The following PLEKHB1 variants were observed in gnomAD, a reference collection of about 807,000 sequenced individuals.
PLEKHB1 encodes the protein pleckstrin homology domain-containing family B member 1.
Under a neutral mutation model 36.2 loss-of-function variants are expected in PLEKHB1, and 29 were observed. The ratio of observed to expected loss-of-function variants is 0.80; its 90% CI spans 0.60 to 1.09. PLEKHB1 has a LOEUF of 1.09. PLEKHB1 is among the 50% of genes least tolerant of loss of function. The probability of loss-of-function intolerance (pLI) is 0.00; values close to 1 mark genes in which losing one functional copy is unlikely to be tolerated. For missense variants in PLEKHB1, 330 were observed against 348.2 expected (o/e 0.95, Z 0.42); for synonymous variants, 138 against 140.0 (o/e 0.99, Z 0.10).
rs1565334934 is a variant in PLEKHB1 at position 73,661,114 on chromosome 11, C to A, written c.595+262C>A. On this transcript the variant is annotated intron_variant, in intron 7 of 7. Transcript: ENST00000354190. The surrounding 1 kb of genome is among the most constrained non-coding windows in gnomAD (Gnocchi z 4.6). Reference sequence around the variant, plus strand: ...TACCCATTCCTGAGCCGGTAGCGGCCCCTGGTGGCTACTGCGGGAATGCTG... The same window carrying A: ...TACCCATTCCTGAGCCGGTAGCGGCACCTGGTGGCTACTGCGGGAATGCTG... 6.6e-6 allele frequency among the ~76,000 whole-genome samples: 1 copy of A among 152,358 alleles called. No individual in the cohort carries two copies. Among genetic ancestry groups the A allele is most frequent in the East Asian group, 1.9e-4 (1 of 5,178 alleles).
At chr11:73,651,353 CAAAAAAAAAAAAA>C (rs35147175) in intron 3 of PLEKHB1, 1 of 268,876 alleles carries the variant, frequency 3.7e-6, no homozygotes, top group African/African-American at 2.8e-5. Flanking sequence ...GACCCTGTCT[CAAAAAAAAAAAAA>C]AAAAGAAAAA....
chr11:73,655,997 A>G, intron 6 of PLEKHB1, 90 bp downstream of exon 6: 1 of 1,080,198 alleles, frequency 9.3e-7, no homozygotes. Context: ...CCCTGTGACA[A>G]ACATTCCATG....
At chr11:73,658,014 T>C (rs182030941) in intron 6 of PLEKHB1, among the ~76,000 whole-genome samples, 10 of 152,328 alleles carry the variant, frequency 6.6e-5, no homozygotes, top group African/African-American at 2.2e-4. Flanking sequence ...ATTTATTAGG[T>C]ACCTGCCATG....
In PLEKHB1 at chr11:73,649,650, A is replaced by T. The variant is rs1475218187; in HGVS notation, c.94+563A>T. ...TTTGCCCTTCCCTGTTAAGATTTCC[A>T]GTTGCAAAATGTCAGAAGCTCGGTC... On this transcript the variant is annotated intron_variant, in intron 2 of 7. Coordinates refer to ENST00000354190, the MANE Select transcript of PLEKHB1 (RefSeq NM_021200.3). Among the ~76,000 whole-genome samples, 3 of 152,162 alleles carry T rather than the reference A, an allele frequency of 2.0e-5. No individual in the cohort carries two copies. In the East Asian group the frequency reaches 5.8e-4, roughly 29 times the overall value.
At chr11:73,648,873 G>A (rs918070748) in intron 1 of PLEKHB1, 139 bp from the exon 2 acceptor site, 1 of 1,419,408 alleles carries the variant, frequency 7.0e-7, no homozygotes, top group African/African-American at 1.5e-5. Flanking sequence ...GAATGGGGAG[G>A]AGGCCGAGGC....
At chr11:73,654,126 G>A (rs569275960) in intron 5 of PLEKHB1, among the ~76,000 whole-genome samples, 1 of 152,252 alleles carries the variant, frequency 6.6e-6, no homozygotes, top group Non-Finnish European at 1.5e-5. Context: ...GACAGTGTCC[G>A]GGCAACAGAC....
intron 6 of PLEKHB1, 120 bp from the exon 7 acceptor site, chr11:73,660,633 A>C: frequency 4.3e-6 from 4 of 924,706 alleles, no homozygotes. Context: ...CTGGAGGCCC[A>C]TTTCTAAACT....
chr11:73,661,622 T>C lies in PLEKHB1; in HGVS notation c.*20T>C, dbSNP rs114497287. ...TTCTGAGCCCTGGGACTCGGAGCAC[T>C]GACCCCTGCGCTTGGATTGCTAGAC... On this transcript the variant is annotated 3_prime_UTR_variant, in exon 8 of 8. Transcript: ENST00000354190. The surrounding 1 kb of genome is among the most constrained non-coding windows in gnomAD (Gnocchi z 4.6). 1.2e-3 allele frequency: 1,839 copies of C among 1,556,054 alleles called. 18 individuals are homozygous for C. In the African/African-American group the frequency reaches 0.022, roughly 19 times the overall value.
rs1026822552 is a variant in PLEKHB1 at position 73,660,930 on chromosome 11, T to A, written c.595+78T>A. ...CCAGGCCCAGCCCACGGTCCGTAAGTCCGGACCAGGCTTCATCCTTTTAGC... is the reference window on the plus strand; with the variant it reads ...CCAGGCCCAGCCCACGGTCCGTAAGACCGGACCAGGCTTCATCCTTTTAGC... On this transcript the variant is annotated intron_variant, in intron 7 of 7. Coordinates refer to ENST00000354190, the MANE Select transcript of PLEKHB1 (RefSeq NM_021200.3). 1.8e-5 allele frequency: 24 copies of A among 1,317,260 alleles called. No individual in the cohort carries two copies. In the South Asian group the frequency reaches 2.8e-4, roughly 15 times the overall value. 81.6% of individuals were successfully genotyped at this position (1,317,260 alleles called of 1,614,324 possible).
chr11:73,650,758 G>A lies in PLEKHB1; in HGVS notation c.247+53G>A, dbSNP rs75062765. Reference sequence around the variant, plus strand: ...ACCGTGACTGTGGGCAGAGCCTCCCGCTGTCTCCGAGAACACTTGCTGTTG... The same window carrying A: ...ACCGTGACTGTGGGCAGAGCCTCCCACTGTCTCCGAGAACACTTGCTGTTG... On this transcript the variant is annotated intron_variant, in intron 3 of 7. Coordinates refer to ENST00000354190, the MANE Select transcript of PLEKHB1 (RefSeq NM_021200.3). The A allele has an allele frequency of 7.5e-3, 11,345 of 1,506,482 alleles. 674 individuals carry two copies. In the African/African-American group the frequency reaches 0.14, roughly 18 times the overall value. 93.3% of individuals were successfully genotyped at this position (1,506,482 alleles called of 1,614,324 possible). A position where few individuals can be genotyped will look rare whatever the true frequency, so the allele number is the denominator to read the frequency against.
intron 6 of PLEKHB1, among the ~76,000 whole-genome samples, chr11:73,659,140 C>A (rs932234441): frequency 6.6e-6 from 1 of 151,540 alleles, no homozygotes; most frequent in Non-Finnish European, 1.5e-5. Context: ...GCAGGAGAAT[C>A]GCTTGAACCC....
At chr11:73,650,020 G>A (rs1396255373) in intron 2 of PLEKHB1, among the ~76,000 whole-genome samples, 1 of 152,008 alleles carries the variant, frequency 6.6e-6, no homozygotes, top group Non-Finnish European at 1.5e-5. Context: ...TAGACAACAT[G>A]GTGAGACCCA....
intron 3 of PLEKHB1, 193 bp from the exon 4 acceptor site, chr11:73,651,595 G>T: frequency 1.5e-6 from 1 of 665,376 alleles, no homozygotes; most frequent in East Asian, 2.8e-5. Flanking sequence ...GCTGAGGGAA[G>T]CCTCAGCATG....
chr11:73,653,628 G>A (rs7952228), intron 5 of PLEKHB1, among the ~76,000 whole-genome samples: 108,603 of 152,080 alleles, frequency 0.71, 39,040 homozygotes, highest in Middle Eastern at 0.78. Flanking sequence ...GGCTTAAACC[G>A]AGGACTGAAG....
intron 1 of PLEKHB1, chr11:73,648,558 T>C (rs2066431274): frequency 6.6e-6 from 6 of 907,582 alleles, no homozygotes; most frequent in Non-Finnish European, 7.9e-6. Flanking sequence ...TCTAATATTC[T>C]GCACTTCCAC....
chr11:73,661,343 G>A lies in PLEKHB1; in HGVS notation c.596-123G>A. Reference sequence around the variant, plus strand: ...CCGCGTCTAGATCTGTTCTTTGACTGGGGAGCAGGAGAGTGGGTTCGGCGC... The same window carrying A: ...CCGCGTCTAGATCTGTTCTTTGACTAGGGAGCAGGAGAGTGGGTTCGGCGC... On this transcript the variant is annotated intron_variant, in intron 7 of 7. Coordinates refer to ENST00000354190, the MANE Select transcript of PLEKHB1 (RefSeq NM_021200.3). The surrounding 1 kb of genome is among the most constrained non-coding windows in gnomAD (Gnocchi z 4.6). 1 of 1,089,602 alleles carries A rather than the reference G, an allele frequency of 9.2e-7. No individual in the cohort carries two copies. The highest frequency in any genetic ancestry group is 1.5e-5 in the South Asian group (1 of 67,800). 67.5% of individuals were successfully genotyped at this position (1,089,602 alleles called of 1,614,324 possible).
rs967108828 is a variant in PLEKHB1 at position 73,661,262 on chromosome 11, G to C, written c.596-204G>C. Among the ~76,000 whole-genome samples, 1 of 152,212 alleles carries C rather than the reference G, an allele frequency of 6.6e-6. No homozygotes were observed. The highest frequency in any genetic ancestry group is 1.5e-5 in the Non-Finnish European group (1 of 68,042). On this transcript the variant is annotated intron_variant, in intron 7 of 7. Coordinates refer to ENST00000354190, the MANE Select transcript of PLEKHB1 (RefSeq NM_021200.3). The surrounding 1 kb of genome is among the most constrained non-coding windows in gnomAD (Gnocchi z 4.6). ...CTAGCCTGCCGTAGCGGACCCGTAG[G>C]TTCCGGGACATCCGTAGCCGATCCA...
intron 5 of PLEKHB1, among the ~76,000 whole-genome samples, chr11:73,654,570 A>T (rs642490): frequency 6.6e-6 from 1 of 152,208 alleles, no homozygotes; most frequent in East Asian, 1.9e-4. Flanking sequence ...TGACTTGTCC[A>T]AAGCTTATAC....
intron 1 of PLEKHB1, chr11:73,647,990 A>C (rs1344497372): frequency 3.0e-6 from 3 of 985,262 alleles, no homozygotes; most frequent in African/African-American, 3.5e-5. Flanking sequence ...TGCAAGCTAC[A>C]TCATGTACAT....
Sources: allele counts gnomAD v4.1 joint callset (sites outside exome capture counted in the v4.1 genomes callset), GRCh38; gene constraint gnomAD v4.1.1; non-coding constraint Gnocchi (gnomAD v3.1); transcripts MANE v1.5; gene names NCBI Gene and HGNC (gene_info 2026-07-23, HGNC 2026-07-21).